MACROD2: variants seen among roughly 807,000 people sequenced by gnomAD.
The protein encoded by MACROD2 is mono-ADP ribosylhydrolase 2, also known as ADP-ribose glycohydrolase MACROD2.
MACROD2 carries 36 observed loss-of-function variants against 70.4 expected under a neutral mutation model. That is an observed-to-expected ratio of 0.51 (90% CI 0.39 to 0.68). The LOEUF is 0.68. Ranked by LOEUF, MACROD2 falls within the 30% of genes least tolerant of loss-of-function variation. MACROD2 has a pLI of 0.00. For synonymous variants in MACROD2, 172 were observed against 178.8 expected, an observed-to-expected ratio of 0.96 and a Z score of 0.30; for missense variants, 496 against 538.4, an observed-to-expected ratio of 0.92 and a Z score of 0.78.
At chr20:14,166,329 A>G (rs1251014187) in intron 3 of MACROD2, among the ~76,000 whole-genome samples, 7 of 150,454 alleles carry the variant, frequency 4.7e-5, no homozygotes, top group Admixed American at 3.3e-4. Context: ...CCGTGTGTGT[A>G]TGTGTGTGTG....
intron 3 of MACROD2, among the ~76,000 whole-genome samples, chr20:14,388,904 G>A (rs2083495840): frequency 6.6e-6 from 1 of 152,072 alleles, no homozygotes; most frequent in African/African-American, 2.4e-5. Context: ...TTGAGATAGA[G>A]TCTCATTCTA....
At chr20:14,992,341 T>G (rs2074912040) in intron 5 of MACROD2, among the ~76,000 whole-genome samples, 1 of 152,210 alleles carries the variant, frequency 6.6e-6, no homozygotes, top group African/African-American at 2.4e-5. Context: ...GTAACACATC[T>G]GCCTAGAAGC....
chr20:14,629,954 TCTATCTA>T lies in MACROD2; in HGVS notation c.302-54888_302-54882del, dbSNP rs1459561736. 6.6e-3 allele frequency among the ~76,000 whole-genome samples: 931 copies of T among 142,024 alleles called. 6 individuals carry two copies. The highest frequency in any genetic ancestry group is 0.01 in the South Asian group (45 of 4,376). The allele number at this position is 142,024 out of a possible 152,430, so 93.2% of individuals were successfully genotyped here. The stretch of plus-strand genomic sequence containing the variant: ...ACTCAGATCCTATTATGTGCTAAGG[TCTATCTA>T]TCTATCTATCTATCTATCTATCTAT... On this transcript the variant is annotated intron_variant, in intron 4 of 17. Coordinates refer to ENST00000684519, the MANE Select transcript of MACROD2 (RefSeq NM_001351661.2).
chr20:14,898,472 T>A (rs2073856399), intron 5 of MACROD2, among the ~76,000 whole-genome samples: 1 of 152,152 alleles, frequency 6.6e-6, no homozygotes. Context: ...CTCACGCGTA[T>A]AATCCCAGCA....
At chr20:14,697,095 G>GC (rs2071135060) in intron 5 of MACROD2, among the ~76,000 whole-genome samples, 2 of 152,176 alleles carry the variant, frequency 1.3e-5, no homozygotes, top group Admixed American at 1.3e-4. Flanking sequence ...TTTGGGAGTG[G>GC]CTTGACGGAA....
At chr20:15,294,892 G>A (rs7272442) in intron 6 of MACROD2, among the ~76,000 whole-genome samples, 75,478 of 152,064 alleles carry the variant, frequency 0.5, 19,332 homozygotes, top group African/African-American at 0.6. Flanking sequence ...GCATCAGGGA[G>A]AGGCAAATTA....
intron 8 of MACROD2, among the ~76,000 whole-genome samples, chr20:15,852,379 A>G (rs562228587): frequency 2.4e-4 from 36 of 152,362 alleles, no homozygotes; most frequent in Admixed American, 2.2e-3. Context: ...CCCCCAAAAT[A>G]AAGGATCCTT....
intron 3 of MACROD2, among the ~76,000 whole-genome samples, chr20:14,368,498 G>A (rs204641): frequency 6.7e-4 from 102 of 151,292 alleles, no homozygotes; most frequent in African/African-American, 2.3e-3. Flanking sequence ...AGCCGAGATC[G>A]CACCACTGCA....
At position 14,786,571 on chromosome 20, in the gene MACROD2, AAGAG is replaced by A. The variant is rs563734686; in HGVS notation, c.418+101622_418+101625del. 1.6e-3 allele frequency among the ~76,000 whole-genome samples: 247 copies of A among 151,100 alleles called. 2 individuals carry two copies. Among genetic ancestry groups the A allele is most frequent in the African/African-American group, 5.7e-3 (236 of 41,166 alleles). On this transcript the variant is annotated intron_variant, in intron 5 of 17. Transcript: ENST00000684519. ...TTCGTTATCAGAAAAGAAAAAAAAA[AAGAG>A]AGAGAGAGATTTGAGTTGGCTTTGA...
At chr20:15,107,869 A>G (rs2075923374) in intron 5 of MACROD2, among the ~76,000 whole-genome samples, 2 of 152,164 alleles carry the variant, frequency 1.3e-5, no homozygotes, top group Non-Finnish European at 2.9e-5. Flanking sequence ...GCTAATAGAT[A>G]ATAAAAGACT....
At chr20:15,626,939 T>C (rs1180560342) in intron 8 of MACROD2, among the ~76,000 whole-genome samples, 3 of 151,948 alleles carry the variant, frequency 2.0e-5, no homozygotes, top group African/African-American at 7.3e-5. Flanking sequence ...GATTTATTGC[T>C]GTGGAATTCT....
At chr20:15,118,325 T>C (rs1362207839) in intron 5 of MACROD2, among the ~76,000 whole-genome samples, 1 of 151,916 alleles carries the variant, frequency 6.6e-6, no homozygotes, top group Non-Finnish European at 1.5e-5. Context: ...CCTGAGTAGC[T>C]AGGACTACAG....
intron 4 of MACROD2, among the ~76,000 whole-genome samples, chr20:14,531,401 T>C (rs1160313201): frequency 2.0e-5 from 3 of 152,112 alleles, no homozygotes; most frequent in African/African-American, 7.2e-5. Flanking sequence ...GTCACAGAGA[T>C]TGGAGTCATG....
At chr20:14,985,061 A>G (rs897210084) in intron 5 of MACROD2, among the ~76,000 whole-genome samples, 1 of 152,174 alleles carries the variant, frequency 6.6e-6, no homozygotes, top group Non-Finnish European at 1.5e-5. Context: ...GAGAAGTGTC[A>G]TGCATCACTG....
chr20:14,650,124 C>T (rs963423344), intron 4 of MACROD2, among the ~76,000 whole-genome samples: 1 of 152,140 alleles, frequency 6.6e-6, no homozygotes, highest in Non-Finnish European at 1.5e-5. Flanking sequence ...TGGATTTGTT[C>T]CAGATGCTTG....
intron 5 of MACROD2, among the ~76,000 whole-genome samples, chr20:15,092,627 A>C (rs990905006): frequency 9.9e-5 from 15 of 151,918 alleles, no homozygotes; most frequent in African/African-American, 3.6e-4. Context: ...GTATTGTACA[A>C]ATCCAACTTC....
intron 3 of MACROD2, among the ~76,000 whole-genome samples, chr20:14,089,461 A>T (rs929188742): frequency 2.0e-5 from 3 of 152,220 alleles, no homozygotes; most frequent in African/African-American, 7.2e-5. Flanking sequence ...TGAAGTTCTC[A>T]TGACCATATT....
intron 6 of MACROD2, among the ~76,000 whole-genome samples, chr20:15,244,400 C>T (rs551622242): frequency 1.5e-4 from 23 of 152,268 alleles, no homozygotes; most frequent in African/African-American, 3.6e-4. Context: ...GCAAAATCTG[C>T]TAATTTCATG....
chr20:14,043,472 T>C (rs1023483381), intron 2 of MACROD2, among the ~76,000 whole-genome samples: 2 of 152,216 alleles, frequency 1.3e-5, no homozygotes, highest in Non-Finnish European at 2.9e-5. Flanking sequence ...TGTTCAGCTA[T>C]CTGGAAGCTC....
Sources: allele counts gnomAD v4.1 joint callset (sites outside exome capture counted in the v4.1 genomes callset), GRCh38; gene constraint gnomAD v4.1.1; transcripts MANE v1.5; gene names NCBI Gene and HGNC (gene_info 2026-07-23, HGNC 2026-07-21).